Variants in DOK5 observed in about 807,000 individuals in gnomAD.
DOK5 encodes the protein downstream of tyrosine kinase 5.
DOK5 carries 27 observed loss-of-function variants against 43.3 expected under a neutral mutation model. That is an observed-to-expected ratio of 0.62 (90% CI 0.46 to 0.86). DOK5 has a LOEUF of 0.86. Among genes scored for constraint, DOK5 ranks in the 40% least tolerant of loss-of-function variants. DOK5 has a pLI of 0.00. For synonymous variants in DOK5, 146 were observed against 140.1 expected, an observed-to-expected ratio of 1.04 and a Z score of -0.30; for missense variants, 373 against 392.9, an observed-to-expected ratio of 0.95 and a Z score of 0.43.
chr20:54,608,374 A>G (rs1325303022), intron 5 of DOK5, among the ~76,000 whole-genome samples: 2 of 152,204 alleles, frequency 1.3e-5, no homozygotes, highest in Non-Finnish European at 2.9e-5. Context: ...TTCCTAATTG[A>G]TGGAATAAAG....
At chr20:54,542,526 G>A (rs1984199409) in intron 1 of DOK5, among the ~76,000 whole-genome samples, 1 of 152,212 alleles carries the variant, frequency 6.6e-6, no homozygotes, top group Non-Finnish European at 1.5e-5. Context: ...CGCTTGCTTG[G>A]TTGACACTGG....
chr20:54,596,387 G>C (rs1402007001), intron 5 of DOK5, among the ~76,000 whole-genome samples: 2 of 151,960 alleles, frequency 1.3e-5, no homozygotes, highest in Non-Finnish European at 2.9e-5. Context: ...ATATCCTCTA[G>C]AACACAGGGA....
At chr20:54,501,482 AAAAAAAAAAAG>A (rs1436100974) in intron 1 of DOK5, among the ~76,000 whole-genome samples, 5 of 150,824 alleles carry the variant, frequency 3.3e-5, no homozygotes, top group African/African-American at 1.2e-4. Context: ...AAAAAAAAAA[AAAAAAAAAAAG>A]AAGAAAAGGA....
chr20:54,522,324 G>A (rs758177577), intron 1 of DOK5, among the ~76,000 whole-genome samples: 1 of 152,182 alleles, frequency 6.6e-6, no homozygotes, highest in East Asian at 1.9e-4. Flanking sequence ...TCGCAGGTTA[G>A]ACAAGCTTGC....
chr20:54,508,633 T>G (rs1982901303), intron 1 of DOK5, among the ~76,000 whole-genome samples: 1 of 152,116 alleles, frequency 6.6e-6, no homozygotes, highest in African/African-American at 2.4e-5. Flanking sequence ...CAGGCTGGAG[T>G]GCAATGGCGC....
intron 6 of DOK5, among the ~76,000 whole-genome samples, chr20:54,612,239 T>C (rs947355802): frequency 6.6e-6 from 1 of 152,250 alleles, no homozygotes; most frequent in Non-Finnish European, 1.5e-5. Flanking sequence ...ACAGAGCTTA[T>C]ACTTGGAAAA....
At chr20:54,491,955 TGAAA>T (rs757684584) in intron 1 of DOK5, among the ~76,000 whole-genome samples, 82 of 146,826 alleles carry the variant, frequency 5.6e-4, no homozygotes, top group Middle Eastern at 3.3e-3. Flanking sequence ...AGAGAGAAAG[TGAAA>T]GAAAGAGAAA....
chr20:54,649,669 A>C (rs993960388), intron 7 of DOK5, among the ~76,000 whole-genome samples: 6 of 152,180 alleles, frequency 3.9e-5, no homozygotes, highest in African/African-American at 1.2e-4. Context: ...TAAATCAGGG[A>C]CGCATTATCT....
At chr20:54,566,012 G>T (rs775208807) in intron 2 of DOK5, among the ~76,000 whole-genome samples, 1 of 123,788 alleles carries the variant, frequency 8.1e-6, no homozygotes, top group Admixed American at 7.8e-5. Context: ...GCGAGATTCC[G>T]TCTCAAAAAA....
At chr20:54,535,712 C>G (rs1047906960) in intron 1 of DOK5, among the ~76,000 whole-genome samples, 2 of 152,022 alleles carry the variant, frequency 1.3e-5, no homozygotes, top group African/African-American at 4.8e-5. Context: ...GAGCCCTTCT[C>G]CATGGTATAA....
chr20:54,595,256 C>T (rs1378113792), intron 5 of DOK5, among the ~76,000 whole-genome samples: 2 of 152,024 alleles, frequency 1.3e-5, no homozygotes, highest in Non-Finnish European at 2.9e-5. Context: ...CAGGAGAATG[C>T]GTGAACCCGG....
intron 7 of DOK5, among the ~76,000 whole-genome samples, chr20:54,644,712 A>ACAAACAAAGAAAC (rs781499554): frequency 7.7e-6 from 1 of 130,702 alleles, no homozygotes; most frequent in Non-Finnish European, 1.6e-5. Flanking sequence ...TCTCAAAAAA[A>ACAAACAAAGAAAC]AAAAAAAAAA....
At chr20:54,551,516 T>C (rs1261068691) in intron 1 of DOK5, among the ~76,000 whole-genome samples, 4 of 152,210 alleles carry the variant, frequency 2.6e-5, no homozygotes, top group Non-Finnish European at 4.4e-5. Context: ...TTTTATTTGA[T>C]ATTTAAGTTT....
chr20:54,608,334 G>T (rs1986536709), intron 5 of DOK5, among the ~76,000 whole-genome samples: 1 of 152,184 alleles, frequency 6.6e-6, no homozygotes, highest in Admixed American at 6.5e-5. Context: ...AATTGATTAA[G>T]ATTACTTCCT....
intron 6 of DOK5, among the ~76,000 whole-genome samples, chr20:54,624,953 G>A (rs1987089934): frequency 6.9e-6 from 1 of 145,952 alleles, no homozygotes; most frequent in African/African-American, 2.5e-5. Flanking sequence ...TTTGCTGCAT[G>A]TTTTTTTTTT....
intron 6 of DOK5, among the ~76,000 whole-genome samples, chr20:54,628,866 C>T (rs570312429): frequency 2.2e-4 from 34 of 152,296 alleles, no homozygotes; most frequent in African/African-American, 7.9e-4. Context: ...ATAGATTACA[C>T]ACTGCACAAG....
At position 54,575,895 on chromosome 20, in the gene DOK5, G is replaced by A. The variant is rs538819156; in HGVS notation, c.175-12588G>A. Among the ~76,000 whole-genome samples, 66 of 152,244 alleles carry A rather than the reference G, an allele frequency of 4.3e-4. 2 individuals carry two copies. The South Asian group carries it at 9.7e-3, about 22-fold the overall frequency. Reference sequence around the variant, plus strand: ...GGATAAATCCAAAAATAAAAGTAGCGAATCTTAATAATTGTTCATCCTAAG... The same window carrying A: ...GGATAAATCCAAAAATAAAAGTAGCAAATCTTAATAATTGTTCATCCTAAG... On this transcript the variant is annotated intron_variant, in intron 2 of 7. Coordinates refer to ENST00000262593, the MANE Select transcript of DOK5 (RefSeq NM_018431.5).
intron 1 of DOK5, among the ~76,000 whole-genome samples, chr20:54,477,819 G>A (rs972687531): frequency 1.3e-5 from 2 of 152,158 alleles, no homozygotes; most frequent in Non-Finnish European, 2.9e-5. Flanking sequence ...ATGCCAAATT[G>A]TGACACATGG....
chr20:54,648,561 G>T (rs1979549790), intron 7 of DOK5, among the ~76,000 whole-genome samples: 1 of 152,078 alleles, frequency 6.6e-6, no homozygotes, highest in Non-Finnish European at 1.5e-5. Flanking sequence ...CCATAGAGAG[G>T]TCAGCAAATG....
Sources: allele counts gnomAD v4.1 joint callset (sites outside exome capture counted in the v4.1 genomes callset), GRCh38; gene constraint gnomAD v4.1.1; transcripts MANE v1.5; gene names NCBI Gene and HGNC (gene_info 2026-07-23, HGNC 2026-07-21).